TMOD3: variants seen among roughly 807,000 people sequenced by gnomAD.
The protein encoded by TMOD3 is tropomodulin-3.
TMOD3 carries 20 observed loss-of-function variants against 39.2 expected under a neutral mutation model. That is an observed-to-expected ratio of 0.51 (90% confidence interval 0.36 to 0.74). The LOEUF is 0.74. Among genes scored for constraint, TMOD3 ranks in the 30% least tolerant of loss-of-function variants. The pLI, the probability that TMOD3 is intolerant of heterozygous loss-of-function variation, is 0.00. For synonymous variants in TMOD3, 143 were observed against 145.8 expected (o/e 0.98, Z 0.14); for missense variants, 381 against 412.8 (o/e 0.92, Z 0.67).
intron 1 of TMOD3, chr15:51,859,205 C>T: frequency 1.4e-6 from 1 of 736,422 alleles, no homozygotes; most frequent in Non-Finnish European, 2.5e-6. Context: ...CAGTCTGATA[C>T]ATAGCATGTT....
chr15:51,886,881 T>G (rs140460388), intron 3 of TMOD3, among the ~76,000 whole-genome samples: 3 of 152,198 alleles, frequency 2.0e-5, no homozygotes, highest in South Asian at 2.1e-4. Flanking sequence ...ATCATAATTG[T>G]CTCTGCTATC....
At position 51,889,163 on chromosome 15, in the gene TMOD3, T is replaced by G. The variant is rs575354461; in HGVS notation, c.496+18T>G. On this transcript the variant is annotated intron_variant, in intron 5 of 9. Coordinates refer to ENST00000308580, the MANE Select transcript of TMOD3 (RefSeq NM_014547.5). ...TTTTTCAAGTGAGTACTTAAAATGCTTTGTGAATTCTAATCCTTTATTAAA... is the reference window on the plus strand; with the variant it reads ...TTTTTCAAGTGAGTACTTAAAATGCGTTGTGAATTCTAATCCTTTATTAAA... 6.7e-6 allele frequency: 10 copies of G among 1,486,128 alleles called. No homozygotes were observed. Among genetic ancestry groups the G allele is most frequent in the Non-Finnish European group, 9.4e-6 (10 of 1,067,988 alleles). 92.1% of individuals were successfully genotyped at this position (1,486,128 alleles called of 1,614,324 possible). A position where few individuals can be genotyped will look rare whatever the true frequency, so the allele number is the denominator to read the frequency against.
intron 4 of TMOD3, 33 bp downstream of exon 4, chr15:51,887,744 G>A: frequency 6.2e-7 from 1 of 1,612,640 alleles, no homozygotes; most frequent in Non-Finnish European, 8.5e-7. Context: ...TTGTGAATAA[G>A]TGTGGGGTGG....
chr15:51,850,975 C>T (rs990040095), intron 1 of TMOD3, among the ~76,000 whole-genome samples: 2 of 152,172 alleles, frequency 1.3e-5, no homozygotes, highest in African/African-American at 4.8e-5. Flanking sequence ...CCTCGTAATT[C>T]GCCAACCTTG....
chr15:51,889,188 A>G (rs1178504851), intron 5 of TMOD3, 43 bp downstream of exon 5: 2 of 1,374,192 alleles, frequency 1.5e-6, no homozygotes, highest in Non-Finnish European at 2.1e-6. Context: ...CCTTTATTAA[A>G]TATATTTTGT....
chr15:51,897,293 A>G (rs2141705614), intron 7 of TMOD3, among the ~76,000 whole-genome samples: 1 of 151,956 alleles, frequency 6.6e-6, no homozygotes, highest in South Asian at 2.1e-4. Flanking sequence ...TACAGTTTGT[A>G]TCTCTCTCCT....
intron 3 of TMOD3, among the ~76,000 whole-genome samples, chr15:51,877,772 G>A (rs2056512363): frequency 6.6e-6 from 1 of 152,040 alleles, no homozygotes; most frequent in Non-Finnish European, 1.5e-5. Context: ...AGACCCTTCT[G>A]AGTTCCCTAC....
In TMOD3 at chr15:51,885,723, C is replaced by T. The variant is rs528567663; in HGVS notation, c.284-1866C>T. On this transcript the variant is annotated intron_variant, in intron 3 of 9. Coordinates refer to ENST00000308580, the MANE Select transcript of TMOD3 (RefSeq NM_014547.5). The stretch of plus-strand genomic sequence containing the variant: ...AGACACAGCAACAATCCGATTTCTC[C>T]TTCTTTTCCCCACATTTCCCCCTTT... Among the ~76,000 whole-genome samples, 283 of 152,346 alleles carry T rather than the reference C, an allele frequency of 1.9e-3. 2 individuals carry two copies. The highest frequency in any genetic ancestry group is 6.5e-3 in the African/African-American group (269 of 41,592).
intron 2 of TMOD3, among the ~76,000 whole-genome samples, chr15:51,867,821 TA>T (rs1366683489): frequency 6.6e-6 from 1 of 152,202 alleles, no homozygotes; most frequent in Non-Finnish European, 1.5e-5. Context: ...GAAAGGACGG[TA>T]CTCACTTTGT....
intron 1 of TMOD3, among the ~76,000 whole-genome samples, chr15:51,833,602 A>G (rs1005188740): frequency 2.0e-5 from 3 of 152,212 alleles, no homozygotes; most frequent in African/African-American, 7.2e-5. Flanking sequence ...TGGACTTCAC[A>G]TAAATGGAAT....
rs191461123 is a variant in TMOD3, at chr15:51,897,692, C to T, written c.735+1166C>T. Reference sequence around the variant, plus strand: ...TAGAGATGTGGTTTCACCATATTGGCCAGGCTGGTCTCGAGCTCCTGACCT... The same window carrying T: ...TAGAGATGTGGTTTCACCATATTGGTCAGGCTGGTCTCGAGCTCCTGACCT... On this transcript the variant is annotated intron_variant, in intron 7 of 9. Coordinates refer to ENST00000308580, the MANE Select transcript of TMOD3 (RefSeq NM_014547.5). Among the ~76,000 whole-genome samples the T allele has an allele frequency of 4.3e-3, 648 of 150,192 alleles. 6 individuals are homozygous for T. Among genetic ancestry groups the T allele is most frequent in the African/African-American group, 0.015 (615 of 40,820 alleles).
chr15:51,858,495 A>G (rs1171148741), intron 1 of TMOD3: 3 of 151,968 alleles, frequency 2.0e-5, no homozygotes, highest in Non-Finnish European at 4.4e-5. Context: ...GGTATACACC[A>G]GACCTGTTTT....
chr15:51,879,565 A>C (rs2056522037), intron 3 of TMOD3, among the ~76,000 whole-genome samples: 1 of 117,880 alleles, frequency 8.5e-6, no homozygotes, highest in Non-Finnish European at 1.8e-5. Context: ...AAAAGTCATA[A>C]ATCTGGATTT....
rs1595899434 is a variant in TMOD3, at chr15:51,870,215, A to G, written c.283+842A>G. On this transcript the variant is annotated intron_variant, in intron 3 of 9. Transcript: ENST00000308580. ...AGGCCTCCTAAAGTGCTGGGATTAC[A>G]GGCATGAGCCACTGCACCCAGCCAC... 2.6e-5 allele frequency among the ~76,000 whole-genome samples: 4 copies of G among 152,358 alleles called. No individual in the cohort carries two copies. In the South Asian group the frequency reaches 8.3e-4, roughly 32 times the overall value.
chr15:51,864,525 T>C (rs968997529), intron 2 of TMOD3, among the ~76,000 whole-genome samples: 1 of 152,062 alleles, frequency 6.6e-6, no homozygotes, highest in African/African-American at 2.4e-5. Context: ...GAAGAGTTTA[T>C]TACTTACAGT....
intron 7 of TMOD3, among the ~76,000 whole-genome samples, chr15:51,898,255 C>G (rs373770617): frequency 6.6e-6 from 1 of 152,304 alleles, no homozygotes; most frequent in African/African-American, 2.4e-5. Context: ...TACATTTGTT[C>G]CTTCTGCCTT....
chr15:51,896,530 A>G lies in TMOD3; in HGVS notation c.735+4A>G. Reference sequence around the variant, plus strand: ...GAGCAATGACCCTGTTGCTACTGTAAGTAAGCGACTTGAGAATATCAAAAT... The same window carrying G: ...GAGCAATGACCCTGTTGCTACTGTAGGTAAGCGACTTGAGAATATCAAAAT... On this transcript the variant is annotated splice_donor_region_variant and intron_variant, in intron 7 of 9. Coordinates refer to ENST00000308580, the MANE Select transcript of TMOD3 (RefSeq NM_014547.5). The G allele has an allele frequency of 6.2e-7, 1 of 1,605,156 alleles. No individual in the cohort carries two copies. Among genetic ancestry groups the G allele is most frequent in the Non-Finnish European group, 8.5e-7 (1 of 1,172,964 alleles).
intron 9 of TMOD3, among the ~76,000 whole-genome samples, chr15:51,902,723 C>T (rs1484100410): frequency 6.8e-6 from 1 of 148,118 alleles, no homozygotes; most frequent in Non-Finnish European, 1.5e-5. Context: ...GATCTCGGCT[C>T]ACTGCAAGCT....
chr15:51,908,673 A>T, intron 9 of TMOD3, 103 bp from the exon 10 acceptor site: 1 of 838,210 alleles, frequency 1.2e-6, no homozygotes, highest in Non-Finnish European at 1.7e-6. Flanking sequence ...CAATTTTGTA[A>T]AACTTATAAC....
Sources: gnomAD v4.1 joint callset for allele counts (sites outside exome capture counted in the v4.1 genomes callset) on GRCh38, gnomAD v4.1.1 for gene constraint, MANE v1.5 for transcripts, NCBI Gene and HGNC (gene_info 2026-07-23, HGNC 2026-07-21) for gene names.